Variants in IQCN observed in about 807,000 individuals in gnomAD.
The protein encoded by IQCN is IQ domain-containing protein N.
IQCN carries 46 observed loss-of-function variants against 64.4 expected under a neutral mutation model. The observed-to-expected ratio is 0.71, with a 90% CI of 0.56 to 0.91. The LOEUF (loss-of-function observed/expected upper bound fraction) is 0.91, where lower values mean the gene tolerates loss of function less well. Among genes scored for constraint, IQCN ranks in the 40% least tolerant of loss-of-function variants. The probability of loss-of-function intolerance (pLI) is 0.00; values close to 1 mark genes in which losing one functional copy is unlikely to be tolerated. For missense variants in IQCN, 1,753 were observed against 1,857.4 expected (o/e 0.94, Z 1.03); for synonymous variants, 733 against 775.6 (o/e 0.95, Z 0.91).
rs1969635763 is a variant in IQCN at position 18,267,780 on chromosome 19, CTTTT to C, written c.14-258_14-255del. The C allele has an allele frequency of 1.1e-5, 4 of 354,038 alleles. No individual in the cohort carries two copies. In the Middle Eastern group the frequency reaches 2.1e-3, roughly 189 times the overall value. 21.9% of individuals were successfully genotyped at this position (354,038 alleles called of 1,614,324 possible). ...AATGCCCGACCACTTACCTGCTTTT[CTTTT>C]TTCTTTTCTTTTTTTTTTTTTTTTT... On this transcript the variant is annotated intron_variant, in intron 2 of 3. Coordinates refer to ENST00000392413, the MANE Select transcript of IQCN (RefSeq NM_001145304.2).
Position 18,264,902 on chromosome 19 carries a change from A to T in IQCN, c.2638T>A (p.Leu880Met). 2.5e-6 allele frequency: 4 copies of T among 1,613,318 alleles called. No individual in the cohort carries two copies. Among genetic ancestry groups the T allele is most frequent in the Non-Finnish European group, 3.4e-6 (4 of 1,179,916 alleles). ...EDTVGSLLAS[L>M]CAEVAGVLAS... ...AGCACACCAGCTACTTCAGCACACA[A>T]GGAGGCCAGCAGGGAGCCTACCGTG... Residue 880 changes from leucine to methionine, a missense_variant, in exon 3 of 4, where the codon TTG becomes ATG. Transcript: ENST00000392413. The surrounding 1 kb of genome is among the most constrained non-coding windows in gnomAD (Gnocchi z 4.3).
At position 18,265,143 on chromosome 19, in the gene IQCN, T is replaced by G; in HGVS notation, c.2397A>C (p.Pro799=). 1.2e-6 allele frequency: 2 copies of G among 1,606,904 alleles called. No homozygotes were observed. The highest frequency in any genetic ancestry group is 8.5e-7 in the Non-Finnish European group (1 of 1,179,850). ...GGLSAPPWAK[P]EDRQTQPQPH... is the part of the protein sequence containing the mutation. ...GCTGTGGCTGGGTCTGTCTGTCCTC[T>G]GGCTTGGCCCAGGGTGGGGCGCTGA... Residue 799 remains proline, a synonymous_variant, in exon 3 of 4, where the codon CCA becomes CCC. Transcript: ENST00000392413. The surrounding 1 kb of genome is among the most constrained non-coding windows in gnomAD (Gnocchi z 4.7).
At position 18,267,030 on chromosome 19, in the gene IQCN, C is replaced by T. The variant is rs750891557; in HGVS notation, c.510G>A (p.Gln170=). Residue 170 remains glutamine (Q), a synonymous_variant, in exon 3 of 4, where the codon CAG becomes CAA. Transcript: ENST00000392413. ...EGDIPYHAPQ[Q]VRFQHPEENR... ...TCTCTTCCGGATGCTGGAAGCGCAC[C>T]TGCTGTGGGGCGTGATAAGGTATGT... is the stretch of plus-strand genomic sequence containing the variant. 2 of 1,614,230 alleles carry T rather than the reference C, an allele frequency of 1.2e-6. No individual in the cohort carries two copies. The highest frequency in any genetic ancestry group is 1.1e-5 in the South Asian group (1 of 91,082).
chr19:18,259,916 G>C (rs994822756), intron 3 of IQCN: 2 of 152,302 alleles, frequency 1.3e-5, no homozygotes, highest in Admixed American at 1.3e-4. Context: ...CCATGCCATT[G>C]GCCACCTGAC....
At chr19:18,261,210 TG>T (rs1969420714) in intron 3 of IQCN, 1 of 152,784 alleles carries the variant, frequency 6.5e-6, no homozygotes, top group Admixed American at 6.5e-5. Context: ...CACAGATTGG[TG>T]GGCTACACTT....
rs60981546 is a variant in IQCN, at chr19:18,270,051, TAAAAAAAAA to T, written c.-109-473_-109-465del. Among the ~76,000 whole-genome samples the T allele has an allele frequency of 3.2e-4, 24 of 75,830 alleles. No individual in the cohort carries two copies. In the South Asian group the frequency reaches 3.2e-3, roughly 10 times the overall value. 49.7% of individuals were successfully genotyped at this position (75,830 alleles called of 152,430 possible). A position where few individuals can be genotyped will look rare whatever the true frequency, so the allele number is the denominator to read the frequency against. On this transcript the variant is annotated intron_variant, in intron 1 of 3. Coordinates refer to ENST00000392413, the MANE Select transcript of IQCN (RefSeq NM_001145304.2). ...GGGAAACTAAGCAAGAACTGTCTCTTAAAAAAAAAAAAAAAAAAAAAAAAAAATTGGCCA... is the reference window on the plus strand; with the variant it reads ...GGGAAACTAAGCAAGAACTGTCTCTTAAAAAAAAAAAAAAAAAATTGGCCA...
At position 18,257,205 on chromosome 19, in the gene IQCN, C is replaced by G; in HGVS notation, c.4079G>C (p.Arg1360Pro). Reference protein sequence around the residue: ...LGPADPSASSRHMHWPGI With the variant: ...LGPADPSASSPHMHWPGI ...CTAGATGCCAGGCCAATGCATGTGC[C>G]GTGAGCTGGCCGAGGGGTCTGCTGG... The change falls in exon 4 of 4, where the codon CGG (arginine) becomes CCG (proline). Residue 1360 changes from arginine to proline, a missense_variant. Arg to Pro is a moderately radical substitution (Grantham distance 103). Coordinates refer to ENST00000392413, the MANE Select transcript of IQCN (RefSeq NM_001145304.2). 1 of 1,613,450 alleles carries G rather than the reference C, an allele frequency of 6.2e-7. No homozygotes were observed. Among genetic ancestry groups the G allele is most frequent in the Non-Finnish European group, 8.5e-7 (1 of 1,180,034 alleles).
chr19:18,264,672 C>A lies in IQCN; in HGVS notation c.2868G>T (p.Arg956=), dbSNP rs1267558902. The A allele has an allele frequency of 6.4e-7, 1 of 1,551,240 alleles. No individual in the cohort carries two copies. The highest frequency in any genetic ancestry group is 2.0e-5 in the Admixed American group (1 of 50,992). Residue 956 remains arginine, a synonymous_variant, in exon 3 of 4, where the codon CGG becomes CGT. Coordinates refer to ENST00000392413, the MANE Select transcript of IQCN (RefSeq NM_001145304.2). This position sits in a 1 kb window ranked among gnomAD's most constrained non-coding sequence, Gnocchi z 4.3. ...LRLTLSRALS[R]GELRAELTKV... The stretch of plus-strand genomic sequence containing the variant: ...TGGTGAGTTCCGCCCGCAGCTCGCC[C>A]CGGGACAGGGCTCGGGACAGGGTCA...
chr19:18,263,635 G>A (rs1969479106), intron 3 of IQCN, among the ~76,000 whole-genome samples: 2 of 152,090 alleles, frequency 1.3e-5, no homozygotes, highest in East Asian at 1.9e-4. Context: ...GCCTGTTTGC[G>A]ATTTGGGGGC....
At position 18,266,135 on chromosome 19, in the gene IQCN, G is replaced by T; in HGVS notation, c.1405C>A (p.Gln469Lys). 1 of 1,614,176 alleles carries T rather than the reference G, an allele frequency of 6.2e-7. No homozygotes were observed. The highest frequency in any genetic ancestry group is 8.5e-7 in the Non-Finnish European group (1 of 1,180,046). The change falls in exon 3 of 4, where the codon CAA (glutamine) becomes AAA (lysine). Residue 469 changes from glutamine (Q) to lysine (K), a missense_variant. Physicochemically the swap from Gln to Lys is moderately conservative, Grantham distance 53. Transcript: ENST00000392413. The surrounding 1 kb of genome is among the most constrained non-coding windows in gnomAD (Gnocchi z 4.3). ...GACATTGTGGCTGACAGACATGTTT[G>T]CAATGGGTTTTTGGCTGGGGTGGTG... The part of the protein sequence containing the change: ...PVTTPAKNPL[Q>K]TCLSATMSKT...
At position 18,257,735 on chromosome 19, in the gene IQCN, C is replaced by T. The variant is rs368931841; in HGVS notation, c.3549G>A (p.Trp1183Ter). ...CCCACGTGACGGGGTGGAGCATCTGCCAGTGCCGGGCTTGGTCCCGGCGGG... is the reference window on the plus strand; with the variant it reads ...CCCACGTGACGGGGTGGAGCATCTGTCAGTGCCGGGCTTGGTCCCGGCGGG... ...YSTRRDQARH[W>*]QMLHPVTWVE... is the part of the protein sequence containing the mutation. Residue 1183 changes from tryptophan to a stop codon, truncating the protein, a stop_gained, in exon 4 of 4, where the codon TGG becomes TGA. Coordinates refer to ENST00000392413, the MANE Select transcript of IQCN (RefSeq NM_001145304.2). LOFTEE classifies it low-confidence loss of function (END_TRUNC). 1 of 1,610,634 alleles carries T rather than the reference C, an allele frequency of 6.2e-7. No individual in the cohort carries two copies. The highest frequency in any genetic ancestry group is 1.7e-4 in the Middle Eastern group (1 of 5,982).
Position 18,266,020 on chromosome 19 carries a change from T to G in IQCN, c.1520A>C (p.Gln507Pro). ...LPAMITKTPA[Q>P]LRSVATILKT... ...GAGGATGGTGGCCACCGAGCGTAAC[T>G]GGGCTGGGGTCTTGGTTATCATGGC... Residue 507 changes from glutamine (Q) to proline (P), a missense_variant, in exon 3 of 4, where the codon CAG becomes CCG. Gln to Pro is a moderately conservative substitution (Grantham distance 76). Transcript: ENST00000392413. This position sits in a 1 kb window ranked among gnomAD's most constrained non-coding sequence, Gnocchi z 4.3. 1.9e-6 allele frequency: 3 copies of G among 1,613,946 alleles called. No homozygotes were observed. The highest frequency in any genetic ancestry group is 2.5e-6 in the Non-Finnish European group (3 of 1,179,950).
rs1011679106 is a variant in IQCN, at chr19:18,266,139, T to C, written c.1401A>G (p.Pro467=). Residue 467 remains proline, a synonymous_variant, in exon 3 of 4, where the codon CCA becomes CCG. Transcript: ENST00000392413. This position sits in a 1 kb window ranked among gnomAD's most constrained non-coding sequence, Gnocchi z 4.3. ...TTGTGGCTGACAGACATGTTTGCAA[T>C]GGGTTTTTGGCTGGGGTGGTGACCG... ...MHPVTTPAKN[P]LQTCLSATMS... 1 of 1,613,890 alleles carries C rather than the reference T, an allele frequency of 6.2e-7. No homozygotes were observed. The highest frequency in any genetic ancestry group is 8.5e-7 in the Non-Finnish European group (1 of 1,180,018).
In IQCN at chr19:18,264,931, T is replaced by C. The variant is rs1969518885; in HGVS notation, c.2609A>G (p.Glu870Gly). ...SMPGQAVPCQ[E>G]DTVGSLLASL... ...GGCCAGCAGGGAGCCTACCGTGTCCTCCTGGCAGGGCACCGCCTGGCCGGG... is the reference window on the plus strand; with the variant it reads ...GGCCAGCAGGGAGCCTACCGTGTCCCCCTGGCAGGGCACCGCCTGGCCGGG... The change falls in exon 3 of 4, where the codon GAG (glutamate) becomes GGG (glycine). Residue 870 changes from glutamate to glycine, a missense_variant. Glu to Gly is a moderately conservative substitution (Grantham distance 98, BLOSUM62 -2). Transcript: ENST00000392413. This position sits in a 1 kb window ranked among gnomAD's most constrained non-coding sequence, Gnocchi z 4.3. The C allele has an allele frequency of 6.2e-7, 1 of 1,612,766 alleles. No individual in the cohort carries two copies. Among genetic ancestry groups the C allele is most frequent in the African/African-American group, 1.3e-5 (1 of 74,936 alleles).
At position 18,257,890 on chromosome 19, in the gene IQCN, T is replaced by C; in HGVS notation, c.3394A>G (p.Arg1132Gly). ...AGVRGYLARR[R>G]IRLWHRGAMV... ...GCCCCCCGGTGCCACAGCCGGATCC[T>C]GCGACGCGCCAGGTAGCCACGGACG... is the stretch of plus-strand genomic sequence containing the variant. The change falls in exon 4 of 4, where the codon AGG becomes GGG. Residue 1132 changes from arginine (R) to glycine (G), a missense_variant. Arg to Gly is a moderately radical substitution (Grantham distance 125, BLOSUM62 -2). Transcript: ENST00000392413. 6.2e-7 allele frequency: 1 copy of C among 1,612,550 alleles called. No individual in the cohort carries two copies. The highest frequency in any genetic ancestry group is 1.7e-5 in the Admixed American group (1 of 60,020).
intron 1 of IQCN, among the ~76,000 whole-genome samples, chr19:18,271,979 TTTTG>T (rs1428774467): frequency 2.0e-4 from 30 of 151,758 alleles, no homozygotes; most frequent in African/African-American, 7.2e-4. Flanking sequence ...ACCCAGCTAA[TTTTG>T]TTTGTTTTGT....
rs1969539613 is a variant in IQCN, at chr19:18,265,460, CCT to C, written c.2078_2079del (p.Gln693ArgfsTer6). On this transcript the variant is annotated frameshift_variant, in exon 3 of 4. Coordinates refer to ENST00000392413, the MANE Select transcript of IQCN (RefSeq NM_001145304.2). LOFTEE classifies it high-confidence loss of function. The surrounding 1 kb of genome is among the most constrained non-coding windows in gnomAD (Gnocchi z 4.7). ...LAAPLTKASS[Q>X]GHLPTELTKT... Reference sequence around the variant, plus strand: ...TTGGTCAGCTCAGTGGGCAGATGTCCCTGAGATGAGGCCTTGGTCAGCGGGGC... The same window carrying C: ...TTGGTCAGCTCAGTGGGCAGATGTCCGAGATGAGGCCTTGGTCAGCGGGGC... The C allele has an allele frequency of 6.2e-7, 1 of 1,613,600 alleles. No individual in the cohort carries two copies. Among genetic ancestry groups the C allele is most frequent in the Non-Finnish European group, 8.5e-7 (1 of 1,179,640 alleles).
In IQCN at chr19:18,266,703, C is replaced by T; in HGVS notation, c.837G>A (p.Val279=). The T allele has an allele frequency of 6.2e-7, 1 of 1,614,136 alleles. No homozygotes were observed. The highest frequency in any genetic ancestry group is 1.3e-5 in the African/African-American group (1 of 75,026). ...TCCGGGCACTTACACGTTTGGTCTT[C>T]ACTGAGTCACCCTCTATGTGGACGA... ...TCLVHIEGDS[V]KTKRVSARTN... is the part of the protein sequence containing the mutation. Residue 279 remains valine, a synonymous_variant, in exon 3 of 4, where the codon GTG becomes GTA. Coordinates refer to ENST00000392413, the MANE Select transcript of IQCN (RefSeq NM_001145304.2). The surrounding 1 kb of genome is among the most constrained non-coding windows in gnomAD (Gnocchi z 4.3).
At chr19:18,258,287 G>A (rs769630684) in intron 3 of IQCN, 181 bp from the exon 4 acceptor site, 8 of 738,408 alleles carry the variant, frequency 1.1e-5, no homozygotes, top group Non-Finnish European at 1.4e-5. Flanking sequence ...GAATGACCGA[G>A]GAGTGTGTCA....
Sources: allele counts gnomAD v4.1 joint callset (sites outside exome capture counted in the v4.1 genomes callset), GRCh38; gene constraint gnomAD v4.1.1; non-coding constraint Gnocchi (gnomAD v3.1); transcripts MANE v1.5; gene names NCBI Gene and HGNC (gene_info 2026-07-23, HGNC 2026-07-21).